RRAGD: variants seen among roughly 807,000 people sequenced by gnomAD.
RRAGD encodes the protein Ras related GTP binding D, also known as ras-related GTP-binding protein D.
RRAGD carries 12 observed loss-of-function variants against 35.5 expected under a neutral mutation model. That is an observed-to-expected ratio of 0.34 (90% CI 0.22 to 0.55). The LOEUF is 0.55. Ranked by LOEUF, RRAGD falls within the 20% of genes least tolerant of loss-of-function variation. The pLI is 0.91. For synonymous variants in RRAGD, 155 were observed against 178.9 expected, an observed-to-expected ratio of 0.87 and a Z score of 1.07; for missense variants, 324 against 490.1, an observed-to-expected ratio of 0.66 and a Z score of 3.20.
intron 6 of RRAGD, among the ~76,000 whole-genome samples, 168 bp from the exon 7 acceptor site, chr6:89,368,375 A>C (rs900391429): frequency 4.6e-5 from 7 of 152,202 alleles, no homozygotes; most frequent in Admixed American, 2.6e-4. Context: ...AAATTGCTAT[A>C]AATCTTTAGG....
At position 89,367,315 on chromosome 6, in the gene RRAGD, G is replaced by T. The variant is rs1240731257; in HGVS notation, c.*741C>A. 6.6e-6 allele frequency: 1 copy of T among 152,110 alleles called. No individual in the cohort carries two copies. The highest frequency in any genetic ancestry group is 1.5e-5 in the Non-Finnish European group (1 of 68,014). 9.4% of individuals were successfully genotyped at this position (152,110 alleles called of 1,614,324 possible). ...GAAATCTGGTCCCAAAGTTTCAAAA[G>T]AATACTAATGCAACAAAAAGAAATA... On this transcript the variant is annotated 3_prime_UTR_variant, in exon 7 of 7. Transcript: ENST00000369415.
intron 2 of RRAGD, among the ~76,000 whole-genome samples, chr6:89,382,532 G>C (rs551998303): frequency 7.2e-5 from 11 of 151,764 alleles, no homozygotes; most frequent in Admixed American, 3.9e-4. Flanking sequence ...CTATGATCTT[G>C]CCACTGCACT....
chr6:89,379,037 A>G (rs1166977471), intron 4 of RRAGD, among the ~76,000 whole-genome samples, 187 bp downstream of exon 4: 1 of 152,254 alleles, frequency 6.6e-6, no homozygotes, highest in Non-Finnish European at 1.5e-5. Context: ...GTGGGGCGTG[A>G]GCCATCAAGC....
intron 1 of RRAGD, among the ~76,000 whole-genome samples, chr6:89,394,866 A>G (rs1769303784): frequency 6.6e-6 from 1 of 152,232 alleles, no homozygotes; most frequent in Non-Finnish European, 1.5e-5. Context: ...TTTTAATTTT[A>G]AAAATGAAAT....
intron 2 of RRAGD, among the ~76,000 whole-genome samples, chr6:89,381,047 G>A (rs1769034180): frequency 1.3e-5 from 2 of 152,168 alleles, no homozygotes; most frequent in Admixed American, 6.5e-5. Context: ...ATTAGAGATG[G>A]AGGCATGATA....
chr6:89,404,757 A>G (rs935566868), intron 1 of RRAGD, among the ~76,000 whole-genome samples: 1 of 152,226 alleles, frequency 6.6e-6, no homozygotes, highest in African/African-American at 2.4e-5. Context: ...TGCCTCGAGT[A>G]CAACAGGGCT....
chr6:89,403,603 G>T (rs1229703043), intron 1 of RRAGD, among the ~76,000 whole-genome samples: 2 of 150,010 alleles, frequency 1.3e-5, no homozygotes, highest in Non-Finnish European at 3.0e-5. Context: ...GATGATAATA[G>T]ACTTCCTGAT....
intron 1 of RRAGD, among the ~76,000 whole-genome samples, chr6:89,407,295 T>C: frequency 6.6e-6 from 1 of 152,118 alleles, no homozygotes; most frequent in African/African-American, 2.4e-5. Flanking sequence ...ACAAAAAATA[T>C]TTTTTTAAAA....
intron 1 of RRAGD, among the ~76,000 whole-genome samples, chr6:89,393,129 C>T (rs1254512315): frequency 2.0e-5 from 3 of 152,176 alleles, no homozygotes; most frequent in Non-Finnish European, 4.4e-5. Context: ...CCCATGCTAA[C>T]TCCCTAAAAA....
intron 4 of RRAGD, among the ~76,000 whole-genome samples, chr6:89,378,630 C>T (rs761600144): frequency 6.2e-4 from 95 of 152,206 alleles, no homozygotes; most frequent in Admixed American, 6.5e-4. Flanking sequence ...CAACAGTTTG[C>T]GTCTTATCAA....
At chr6:89,407,655 A>G (rs1030027849) in intron 1 of RRAGD, among the ~76,000 whole-genome samples, 11 of 152,192 alleles carry the variant, frequency 7.2e-5, no homozygotes, top group African/African-American at 1.2e-4. Context: ...AGAAGGAAAG[A>G]AAGAAGAAAA....
intron 1 of RRAGD, among the ~76,000 whole-genome samples, chr6:89,392,472 C>T (rs533936448): frequency 3.4e-5 from 4 of 116,072 alleles, no homozygotes; most frequent in Non-Finnish European, 6.9e-5. Context: ...AGTGCAAAAC[C>T]CTGTCTCGAA....
intron 1 of RRAGD, among the ~76,000 whole-genome samples, chr6:89,406,694 G>C (rs1012601159): frequency 6.6e-6 from 1 of 152,150 alleles, no homozygotes. Flanking sequence ...GTACACCAAG[G>C]CAAGAACCCA....
At chr6:89,389,555 C>CAAAA (rs767352705) in intron 1 of RRAGD, among the ~76,000 whole-genome samples, 7 of 58,082 alleles carry the variant, frequency 1.2e-4, no homozygotes, top group African/African-American at 1.8e-4. Flanking sequence ...GACTCCGTCT[C>CAAAA]AAAAAAAAAA....
In RRAGD at chr6:89,412,208, C is replaced by A. The variant is rs1431050918; in HGVS notation, c.-215G>T. The stretch of plus-strand genomic sequence containing the variant: ...GCCCGAAGCCCCCTCCCCCGCCCCG[C>A]CCGCCGGCGGAGGAGTCAGCCGGAG... On this transcript the variant is annotated 5_prime_UTR_variant, in exon 1 of 7. Transcript: ENST00000369415. This position sits in a 1 kb window ranked among gnomAD's most constrained non-coding sequence, Gnocchi z 4.2. 3.2e-6 allele frequency: 1 copy of A among 310,348 alleles called. No individual in the cohort carries two copies. The highest frequency in any genetic ancestry group is 5.8e-6 in the Non-Finnish European group (1 of 173,348). 19.2% of individuals were successfully genotyped at this position (310,348 alleles called of 1,614,324 possible). A position where few individuals can be genotyped will look rare whatever the true frequency, so the allele number is the denominator to read the frequency against.
chr6:89,394,061 A>G (rs1203666796), intron 1 of RRAGD, among the ~76,000 whole-genome samples: 4 of 152,212 alleles, frequency 2.6e-5, no homozygotes, highest in African/African-American at 4.8e-5. Context: ...AAGATTCAGA[A>G]GAACCATTAT....
intron 6 of RRAGD, among the ~76,000 whole-genome samples, chr6:89,369,148 G>A (rs1253552153): frequency 6.6e-6 from 1 of 152,130 alleles, no homozygotes; most frequent in Non-Finnish European, 1.5e-5. Context: ...GCACCGTCTC[G>A]GTTTCCAGGA....
At chr6:89,379,635 T>G (rs932888169) in intron 3 of RRAGD, among the ~76,000 whole-genome samples, 1 of 152,246 alleles carries the variant, frequency 6.6e-6, no homozygotes, top group African/African-American at 2.4e-5. Flanking sequence ...TGCAAGACAA[T>G]CCATGCCAGA....
At chr6:89,394,398 A>G (rs1407193) in intron 1 of RRAGD, among the ~76,000 whole-genome samples, 103,699 of 152,004 alleles carry the variant, frequency 0.68, 36,660 homozygotes, top group African/African-American at 0.88. Context: ...TCAACAACAC[A>G]GATATGAGAA....
Sources: gnomAD v4.1 joint callset for allele counts (sites outside exome capture counted in the v4.1 genomes callset) on GRCh38, gnomAD v4.1.1 for gene constraint, Gnocchi (gnomAD v3.1) non-coding constraint, MANE v1.5 for transcripts, NCBI Gene and HGNC (gene_info 2026-07-23, HGNC 2026-07-21) for gene names.